The following SLFN5 variants were observed in gnomAD, a reference collection of about 807,000 sequenced individuals.
The protein encoded by SLFN5 is schlafen family member 5.
Under a neutral mutation model 48.5 loss-of-function variants are expected in SLFN5, and 34 were observed. The ratio of observed to expected loss-of-function variants is 0.70; its 90% CI spans 0.53 to 0.93. SLFN5 has a LOEUF of 0.93. SLFN5 is among the 40% of genes least tolerant of loss of function. The pLI, the probability that SLFN5 is intolerant of heterozygous loss-of-function variation, is 0.00. For synonymous variants in SLFN5, 387 were observed against 396.2 expected (o/e 0.98, Z 0.28); for missense variants, 1,006 against 1,071.3 (o/e 0.94, Z 0.85).
At chr17:35,246,182 GT>G (rs547070553) in intron 1 of SLFN5, among the ~76,000 whole-genome samples, 2 of 152,094 alleles carry the variant, frequency 1.3e-5, no homozygotes, top group Non-Finnish European at 2.9e-5. Flanking sequence ...TTTAAATTGG[GT>G]TTTTTTATCA....
At chr17:35,258,581 T>C in intron 1 of SLFN5, 70 bp from the exon 2 acceptor site, 1 of 1,367,540 alleles carries the variant, frequency 7.3e-7, no homozygotes, top group East Asian at 2.3e-5. Context: ...TAGGATGGCC[T>C]TAATCTGTTG....
In SLFN5 at chr17:35,264,774, A is replaced by C; in HGVS notation, c.1730A>C (p.His577Pro). ...CGCAAGACCAGAGAGTTGTTTGTTCATGGCTTACCTGGATCAGGGAAGACT... is the reference window on the plus strand; with the variant it reads ...CGCAAGACCAGAGAGTTGTTTGTTCCTGGCTTACCTGGATCAGGGAAGACT... ...NLRKTRELFV[H>P]GLPGSGKTIL... Residue 577 changes from histidine (H) to proline (P), a missense_variant, in exon 4 of 5, where the codon CAT (histidine) becomes CCT (proline). By Grantham distance (77) the His-to-Pro change is moderately conservative (BLOSUM62 -2). Coordinates refer to ENST00000299977, the MANE Select transcript of SLFN5 (RefSeq NM_144975.4). 1 of 1,597,250 alleles carries C rather than the reference A, an allele frequency of 6.3e-7. No individual in the cohort carries two copies. Among genetic ancestry groups the C allele is most frequent in the Non-Finnish European group, 8.5e-7 (1 of 1,173,778 alleles).
chr17:35,247,294 C>A (rs1415994718), intron 1 of SLFN5, among the ~76,000 whole-genome samples: 1 of 152,208 alleles, frequency 6.6e-6, no homozygotes, highest in Non-Finnish European at 1.5e-5. Context: ...ATCAATCTTT[C>A]CCCTGCCTGT....
intron 1 of SLFN5, among the ~76,000 whole-genome samples, chr17:35,255,081 A>G (rs939614932): frequency 6.6e-6 from 1 of 152,204 alleles, no homozygotes; most frequent in Non-Finnish European, 1.5e-5. Context: ...TTGTTTTTCA[A>G]TAATCTATGA....
intron 1 of SLFN5, among the ~76,000 whole-genome samples, chr17:35,253,003 AC>A (rs1490209032): frequency 2.6e-5 from 4 of 152,080 alleles, no homozygotes; most frequent in Non-Finnish European, 5.9e-5. Flanking sequence ...GGCTGCTGTA[AC>A]AAAATACCAT....
At chr17:35,261,157 A>G in intron 3 of SLFN5, 61 bp downstream of exon 3, 2 of 1,577,074 alleles carry the variant, frequency 1.3e-6, no homozygotes. Flanking sequence ...TAAAAAATTG[A>G]CTCCTACTTT....
rs1169341496 is a variant in SLFN5 at position 35,264,710 on chromosome 17, C to T, written c.1666C>T (p.Leu556=). The T allele has an allele frequency of 6.2e-7, 1 of 1,608,132 alleles. No homozygotes were observed. The highest frequency in any genetic ancestry group is 8.5e-7 in the Non-Finnish European group (1 of 1,178,012). The change falls in exon 4 of 5, where the codon CTG becomes TTG. Residue 556 remains leucine, a synonymous_variant. Coordinates refer to ENST00000299977, the MANE Select transcript of SLFN5 (RefSeq NM_144975.4). ...EELGSEVLNL[L]TNKQYELLSK... ...GCTGGGCTCTGAGGTTTTGAACCTA[C>T]TGACAAATAAACAGTATGAGTTGCT...
At chr17:35,258,438 C>A (rs1181899053) in intron 1 of SLFN5, among the ~76,000 whole-genome samples, 5 of 152,096 alleles carry the variant, frequency 3.3e-5, no homozygotes, top group Non-Finnish European at 2.9e-5. Flanking sequence ...GGAAACTGCC[C>A]CCCATGACTC....
chr17:35,243,842 C>G (rs982861173), intron 1 of SLFN5, among the ~76,000 whole-genome samples: 3 of 152,224 alleles, frequency 2.0e-5, no homozygotes, highest in Non-Finnish European at 4.4e-5. Flanking sequence ...CACTGACACA[C>G]AGATGCTTGG....
Position 35,264,896 on chromosome 17 carries a change from T to C in SLFN5, c.1852T>C (p.Leu618=). ...CTGTGAAAACCAGCCCCTGAAGAAG[T>C]TGGTGAGGTATGCTGCTTGTCTGTG... ...YICENQPLKK[L]VSFSKKNICQ... is the part of the protein sequence containing the mutation. Residue 618 remains leucine (L), a synonymous_variant, in exon 4 of 5, where the codon TTG becomes CTG. Coordinates refer to ENST00000299977, the MANE Select transcript of SLFN5 (RefSeq NM_144975.4). The C allele has an allele frequency of 6.4e-7, 1 of 1,557,976 alleles. No individual in the cohort carries two copies. Among genetic ancestry groups the C allele is most frequent in the South Asian group, 1.3e-5 (1 of 78,830 alleles).
At chr17:35,245,865 T>C (rs575855911) in intron 1 of SLFN5, among the ~76,000 whole-genome samples, 6 of 151,830 alleles carry the variant, frequency 4.0e-5, no homozygotes, top group Non-Finnish European at 8.8e-5. Context: ...TACTTTGGTG[T>C]GGAATGGCTG....
At chr17:35,264,955 G>A (rs775570090) in intron 4 of SLFN5, 52 bp downstream of exon 4, 1 of 1,535,658 alleles carries the variant, frequency 6.5e-7, no homozygotes. Context: ...TGTGGCTGGT[G>A]TGGCTTTCAG....
intron 3 of SLFN5, among the ~76,000 whole-genome samples, chr17:35,261,806 G>A (rs1168806512): frequency 3.3e-5 from 5 of 151,258 alleles, no homozygotes; most frequent in Non-Finnish European, 7.4e-5. Context: ...CTCTCAGGTA[G>A]CTGGAATTAG....
At chr17:35,261,731 A>C (rs1336096029) in intron 3 of SLFN5, among the ~76,000 whole-genome samples, 1 of 145,226 alleles carries the variant, frequency 6.9e-6, no homozygotes, top group Non-Finnish European at 1.5e-5. Flanking sequence ...GCTGGAGTGC[A>C]ACGGTGAAAC....
rs370253825 is a variant in SLFN5, at chr17:35,264,875, GA to G, written c.1835del (p.Asn612ThrfsTer4). On this transcript the variant is annotated frameshift_variant, in exon 4 of 5. Coordinates refer to ENST00000299977, the MANE Select transcript of SLFN5 (RefSeq NM_144975.4). LOFTEE classifies it low-confidence loss of function (END_TRUNC). ...CEPANILYIC[E>X]NQPLKKLVSF... Reference sequence around the variant, plus strand: ...ACCGGCTAACATTCTCTACATCTGTGAAAACCAGCCCCTGAAGAAGTTGGTG... The same window carrying G: ...ACCGGCTAACATTCTCTACATCTGTGAAACCAGCCCCTGAAGAAGTTGGTG... 1.5e-4 allele frequency: 236 copies of G among 1,571,248 alleles called. No individual in the cohort carries two copies. Among genetic ancestry groups the G allele is most frequent in the Non-Finnish European group, 1.8e-4 (214 of 1,164,602 alleles).
At chr17:35,249,485 A>G (rs955461130) in intron 1 of SLFN5, among the ~76,000 whole-genome samples, 2 of 152,184 alleles carry the variant, frequency 1.3e-5, no homozygotes, top group East Asian at 1.9e-4. Context: ...AACTTCATCA[A>G]TTTCTGGTAA....
chr17:35,262,638 G>A (rs1460101270), intron 3 of SLFN5, among the ~76,000 whole-genome samples: 2 of 152,050 alleles, frequency 1.3e-5, no homozygotes, highest in Admixed American at 6.6e-5. Flanking sequence ...CGAGGTGGGA[G>A]GATCACTTGA....
chr17:35,246,882 A>T (rs1439097356), intron 1 of SLFN5, among the ~76,000 whole-genome samples: 1 of 151,948 alleles, frequency 6.6e-6, no homozygotes, highest in East Asian at 1.9e-4. Flanking sequence ...TATTTTGTTC[A>T]TCTAATATCA....
rs11080332 is a variant in SLFN5 at position 35,257,022 on chromosome 17, A to T, written c.-40-1629A>T. Among the ~76,000 whole-genome samples the T allele has an allele frequency of 4.6e-5, 7 of 152,084 alleles. No individual in the cohort carries two copies. The East Asian group carries it at 7.7e-4, about 17-fold the overall frequency. ...TGCATGTGAGGGATCTAGGCTGCGC[A>T]CTCCTTATGAGAATCTAACTAATGC... On this transcript the variant is annotated intron_variant, in intron 1 of 4. Coordinates refer to ENST00000299977, the MANE Select transcript of SLFN5 (RefSeq NM_144975.4).
Sources: allele counts gnomAD v4.1 joint callset (sites outside exome capture counted in the v4.1 genomes callset), GRCh38; gene constraint gnomAD v4.1.1; transcripts MANE v1.5; gene names NCBI Gene and HGNC (gene_info 2026-07-23, HGNC 2026-07-21).